Variants in ACMSD observed in about 807,000 individuals in gnomAD.
ACMSD encodes 2-amino-3-carboxymuconate-6-semialdehyde decarboxylase.
Under a neutral mutation model 45.9 loss-of-function variants are expected in ACMSD, and 37 were observed. That is an observed-to-expected ratio of 0.81 (90% CI 0.62 to 1.06). The LOEUF (loss-of-function observed/expected upper bound fraction) is 1.06, where lower values mean the gene tolerates loss of function less well. Ranked by LOEUF, ACMSD falls within the 50% of genes least tolerant of loss-of-function variation. The pLI, the probability that ACMSD is intolerant of heterozygous loss-of-function variation, is 0.00. For synonymous variants in ACMSD, 138 were observed against 148.8 expected, an observed-to-expected ratio of 0.93 and a Z score of 0.53; for missense variants, 434 against 420.9, an observed-to-expected ratio of 1.03 and a Z score of -0.27.
chr2:134,894,930 G>T (rs1268223928), intron 8 of ACMSD, among the ~76,000 whole-genome samples: 3 of 152,242 alleles, frequency 2.0e-5, no homozygotes, highest in Non-Finnish European at 4.4e-5. Context: ...ATTTCTATTT[G>T]TTAGCAATGA....
At position 134,861,968 on chromosome 2, in the gene ACMSD, G is replaced by C; in HGVS notation, c.200-1G>C. 1 of 1,614,100 alleles carries C rather than the reference G, an allele frequency of 6.2e-7. No individual in the cohort carries two copies. The stretch of plus-strand genomic sequence containing the variant: ...TTGCCCTTCTTTGTGTCCATGTCTA[G>C]GAGTAACAGTGCAAGCCCTTTCCAC... On this transcript the variant is annotated splice_acceptor_variant, in intron 3 of 9. Transcript: ENST00000356140. LOFTEE classifies it high-confidence loss of function.
chr2:134,863,739 G>C (rs1021586228), intron 5 of ACMSD, 108 bp downstream of exon 5: 3 of 1,138,148 alleles, frequency 2.6e-6, no homozygotes, highest in African/African-American at 3.1e-5. Flanking sequence ...TGGGAGGGGA[G>C]AGCGGTGTCC....
At chr2:134,847,433 T>TAGATAGAC (rs1553508790) in intron 2 of ACMSD, among the ~76,000 whole-genome samples, 3 of 149,906 alleles carry the variant, frequency 2.0e-5, no homozygotes, top group African/African-American at 7.6e-5. Context: ...GATAGATAGA[T>TAGATAGAC]AGATAGATAG....
intron 8 of ACMSD, among the ~76,000 whole-genome samples, chr2:134,895,492 A>G (rs1690088295): frequency 6.6e-6 from 1 of 151,630 alleles, no homozygotes; most frequent in African/African-American, 2.4e-5. Context: ...TACAGATCCA[A>G]TGCAATTGCT....
chr2:134,897,248 T>C (rs895428511), intron 8 of ACMSD, among the ~76,000 whole-genome samples: 1 of 152,098 alleles, frequency 6.6e-6, no homozygotes, highest in Non-Finnish European at 1.5e-5. Flanking sequence ...ATTCCTGAAA[T>C]AGACTGTATA....
At chr2:134,845,554 T>C (rs941753345) in intron 2 of ACMSD, among the ~76,000 whole-genome samples, 78 of 119,660 alleles carry the variant, frequency 6.5e-4, no homozygotes, top group East Asian at 3.5e-3. Context: ...TCTCTCTCTC[T>C]CCCCTCTCCC....
rs142915061 is a variant in ACMSD, at chr2:134,883,395, A to G, written c.849+10754A>G. 8.0e-4 allele frequency among the ~76,000 whole-genome samples: 122 copies of G among 152,358 alleles called. 2 individuals carry two copies. The highest frequency in any genetic ancestry group is 5.4e-4 in the Non-Finnish European group (37 of 68,036). Reference sequence around the variant, plus strand: ...GTTAATGGAAATGGAATCAACAGTCATCCAAGGCCATATCATATGACTCCT... The same window carrying G: ...GTTAATGGAAATGGAATCAACAGTCGTCCAAGGCCATATCATATGACTCCT... On this transcript the variant is annotated intron_variant, in intron 8 of 9. Coordinates refer to ENST00000356140, the MANE Select transcript of ACMSD (RefSeq NM_138326.3).
At chr2:134,886,469 C>T (rs1246225285) in intron 8 of ACMSD, among the ~76,000 whole-genome samples, 2 of 151,830 alleles carry the variant, frequency 1.3e-5, no homozygotes, top group Non-Finnish European at 2.9e-5. Context: ...AGGATGATCT[C>T]GATCTCCTGA....
At chr2:134,895,468 C>G (rs905836732) in intron 8 of ACMSD, among the ~76,000 whole-genome samples, 1 of 150,890 alleles carries the variant, frequency 6.6e-6, no homozygotes, top group Non-Finnish European at 1.5e-5. Context: ...CTGGCAATAC[C>G]CCCCAAATTG....
chr2:134,864,981 C>T (rs1048254679), intron 5 of ACMSD, among the ~76,000 whole-genome samples: 2 of 152,030 alleles, frequency 1.3e-5, no homozygotes, highest in Admixed American at 6.6e-5. Context: ...TATTTCCCTC[C>T]TAGAATTATA....
rs775129424 is a variant in ACMSD, at chr2:134,898,383, G to A, written c.892G>A (p.Glu298Lys). 4.4e-6 allele frequency: 7 copies of A among 1,602,898 alleles called. No individual in the cohort carries two copies. In the South Asian group the frequency reaches 7.8e-5, roughly 18 times the overall value. ...AACCGATTACCCCTTTCCACTAGGT[G>A]AGCTGGAACCTGGGAAACTAATAGA... Reference protein sequence around the residue: ...LGTDYPFPLGELEPGKLIESM... With the variant: ...LGTDYPFPLGKLEPGKLIESM... The change falls in exon 9 of 10, where the codon GAG becomes AAG. Residue 298 changes from glutamate (E) to lysine (K), a missense_variant. Transcript: ENST00000356140.
intron 2 of ACMSD, among the ~76,000 whole-genome samples, chr2:134,847,397 C>CAGAGAGATAGAT (rs1687102711): frequency 4.9e-5 from 4 of 81,460 alleles, no homozygotes. Flanking sequence ...TTTGGGGATA[C>CAGAGAGATAGAT]AGATAGATAG....
intron 9 of ACMSD, among the ~76,000 whole-genome samples, chr2:134,900,843 C>T (rs567597162): frequency 3.9e-5 from 6 of 152,242 alleles, no homozygotes; most frequent in South Asian, 4.1e-4. Flanking sequence ...TGTATGGATG[C>T]GATCCCAAAT....
chr2:134,843,114 C>G (rs1209163873), intron 1 of ACMSD, among the ~76,000 whole-genome samples: 1 of 152,140 alleles, frequency 6.6e-6, no homozygotes, highest in Non-Finnish European at 1.5e-5. Flanking sequence ...TAAAGTGTAA[C>G]TGATTAAGGT....
At chr2:134,847,042 G>C (rs1176557341) in intron 2 of ACMSD, among the ~76,000 whole-genome samples, 3 of 152,178 alleles carry the variant, frequency 2.0e-5, no homozygotes, top group Non-Finnish European at 4.4e-5. Flanking sequence ...CAATGTGGCT[G>C]AAATGCAGTG....
At position 134,859,337 on chromosome 2, in the gene ACMSD, T is replaced by C. The variant is rs1687739694; in HGVS notation, c.179T>C (p.Ile60Thr). 1 of 1,613,900 alleles carries C rather than the reference T, an allele frequency of 6.2e-7. No homozygotes were observed. Among genetic ancestry groups the C allele is most frequent in the Admixed American group, 1.7e-5 (1 of 59,996 alleles). The change falls in exon 3 of 10, where the codon ATT (isoleucine) becomes ACT (threonine). Residue 60 changes from isoleucine (I) to threonine (T), a missense_variant. Coordinates refer to ENST00000356140, the MANE Select transcript of ACMSD (RefSeq NM_138326.3). ...AATTGCTGGGATCCAGAAGTTCGTA[T>C]TAGAGAAATGGACCAAAAAGGTACG... is the stretch of plus-strand genomic sequence containing the variant. The part of the protein sequence containing the change: ...RENCWDPEVR[I>T]REMDQKGVTV...
intron 8 of ACMSD, among the ~76,000 whole-genome samples, chr2:134,893,967 A>T (rs893714259): frequency 2.6e-5 from 4 of 152,218 alleles, no homozygotes; most frequent in African/African-American, 7.2e-5. Flanking sequence ...ATGCAGCTAG[A>T]AGTAGTACTT....
rs1689333662 is a variant in ACMSD, at chr2:134,885,363, TATATA to T, written c.849+12723_849+12727del. ...TATTTATATATAATATATATTTACA[TATATA>T]TTATATATAATATATATGTAAATAT... On this transcript the variant is annotated intron_variant, in intron 8 of 9. Transcript: ENST00000356140. 6.5e-5 allele frequency among the ~76,000 whole-genome samples: 7 copies of T among 108,416 alleles called. 1 individual carries two copies. The highest frequency in any genetic ancestry group is 5.6e-4 in the Admixed American group (4 of 7,160). The allele number at this position is 108,416 out of a possible 152,430, so 71.1% of individuals were successfully genotyped here. A position where few individuals can be genotyped will look rare whatever the true frequency, so the allele number is the denominator to read the frequency against.
intron 8 of ACMSD, among the ~76,000 whole-genome samples, chr2:134,892,390 C>A (rs1482737350): frequency 1.3e-5 from 2 of 151,894 alleles, no homozygotes; most frequent in African/African-American, 4.8e-5. Context: ...CTATTCCAGG[C>A]CAAAACTTGA....
Sources: gnomAD v4.1 joint callset for allele counts (sites outside exome capture counted in the v4.1 genomes callset) on GRCh38, gnomAD v4.1.1 for gene constraint, MANE v1.5 for transcripts, NCBI Gene and HGNC (gene_info 2026-07-23, HGNC 2026-07-21) for gene names.